The following RHOT2 variants were observed in gnomAD, a reference collection of about 807,000 sequenced individuals.
RHOT2 encodes the protein ras homolog family member T2.
A neutral mutation model predicts 81.6 loss-of-function variants in RHOT2; 90 were observed. That is an observed-to-expected ratio of 1.10 (90% CI 0.93 to 1.31). The LOEUF is 1.31. Among genes scored for constraint, RHOT2 ranks in the 40% most tolerant of loss-of-function variants. The pLI, the probability that RHOT2 is intolerant of heterozygous loss-of-function variation, is 0.00. For synonymous variants in RHOT2, 512 were observed against 370.9 expected (o/e 1.38, Z -4.37); for missense variants, 1,014 against 841.9 (o/e 1.20, Z -2.53).
In RHOT2 at chr16:669,543, G is replaced by T. The variant is rs1191488283; in HGVS notation, c.223-10G>T. 4 of 1,611,418 alleles carry T rather than the reference G, an allele frequency of 2.5e-6. No individual in the cohort carries two copies. Among genetic ancestry groups the T allele is most frequent in the Middle Eastern group, 1.7e-4 (1 of 6,042 alleles). ...GCCCTGTCACCCACACCTCATCACT[G>T]TTCCCTCAGGCAAACGTGGTGTGTG... On this transcript the variant is annotated splice_polypyrimidine_tract_variant and intron_variant, in intron 4 of 18. Transcript: ENST00000315082.
chr16:671,308 C>G, intron 11 of RHOT2, 105 bp downstream of exon 11: 2 of 1,451,488 alleles, frequency 1.4e-6, no homozygotes, highest in Non-Finnish European at 1.8e-6. Context: ...GGCCTGCCCT[C>G]CCTGAGGGTC....
rs531066026 is a variant in RHOT2 at position 671,286 on chromosome 16, G to T, written c.869+83G>T. On this transcript the variant is annotated intron_variant, in intron 11 of 18. Transcript: ENST00000315082. ...ACTATCTCTCCCCTCCATGAGTGACGCTGGGGTTTGAGGCCTGCCCTCCCT... is the reference window on the plus strand; with the variant it reads ...ACTATCTCTCCCCTCCATGAGTGACTCTGGGGTTTGAGGCCTGCCCTCCCT... 1.7e-5 allele frequency: 25 copies of T among 1,489,962 alleles called. No individual in the cohort carries two copies. In the African/African-American group the frequency reaches 2.8e-4, roughly 17 times the overall value. 92.3% of individuals were successfully genotyped at this position (1,489,962 alleles called of 1,614,324 possible). A position where few individuals can be genotyped will look rare whatever the true frequency, so the allele number is the denominator to read the frequency against.
At chr16:669,296 C>T (rs1799455925) in intron 4 of RHOT2, 2 of 569,218 alleles carry the variant, frequency 3.5e-6, no homozygotes, top group Admixed American at 6.1e-5. Context: ...TGTCCCTGCA[C>T]TGGCAGTGGG....
At position 670,736 on chromosome 16, in the gene RHOT2, A is replaced by G; in HGVS notation, c.602A>G (p.Asp201Gly). ...TTCAGGCTCTCAGATCAGGACCTGG[A>G]CCAGGCGCTCAGTGACGAAGAGCTC... Reference protein sequence around the residue: ...RIFRLSDQDLDQALSDEELNA... With the variant: ...RIFRLSDQDLGQALSDEELNA... The change falls in exon 9 of 19, where the codon GAC (aspartate) becomes GGC (glycine). Residue 201 changes from aspartate (D) to glycine (G), a missense_variant. By Grantham distance (94) the Asp-to-Gly change is moderately conservative. Transcript: ENST00000315082. The G allele has an allele frequency of 6.2e-7, 1 of 1,612,420 alleles. No individual in the cohort carries two copies. The highest frequency in any genetic ancestry group is 1.7e-4 in the Middle Eastern group (1 of 6,058).
Position 672,975 on chromosome 16 carries a change from G to A in RHOT2, c.1575G>A (p.Lys525=), listed in dbSNP as rs2039226555. ...CCCCCTGCCTCTTTGTCTCCTCCAAGGCCGACCTGCCCGAAGGTGTCGCGG... is the reference window on the plus strand; with the variant it reads ...CCCCCTGCCTCTTTGTCTCCTCCAAAGCCGACCTGCCCGAAGGTGTCGCGG... ...GQTPCLFVSS[K]ADLPEGVAVS... The change falls in exon 18 of 19, where the codon AAG becomes AAA. Residue 525 remains lysine (K), a synonymous_variant. Coordinates refer to ENST00000315082, the MANE Select transcript of RHOT2 (RefSeq NM_138769.3). The A allele has an allele frequency of 6.2e-7, 1 of 1,612,802 alleles. No individual in the cohort carries two copies. The highest frequency in any genetic ancestry group is 1.1e-5 in the South Asian group (1 of 91,088).
chr16:673,176 T>G, intron 18 of RHOT2, 46 bp downstream of exon 18: 1 of 1,582,110 alleles, frequency 6.3e-7, no homozygotes. Flanking sequence ...GTGTCTGTCA[T>G]CCGAGCAGTG....
intron 7 of RHOT2, 37 bp downstream of exon 7, chr16:670,394 C>T (rs1190277019): frequency 1.9e-6 from 3 of 1,610,482 alleles, no homozygotes; most frequent in African/African-American, 2.7e-5. Flanking sequence ...TCCTTCATTC[C>T]TTGTGTTCTC....
Position 668,561 on chromosome 16 carries a change from AC to A in RHOT2, c.171del (p.Tyr58ThrfsTer44). The A allele has an allele frequency of 6.2e-7, 1 of 1,610,426 alleles. No individual in the cohort carries two copies. The highest frequency in any genetic ancestry group is 2.2e-5 in the East Asian group (1 of 44,618). On this transcript the variant is annotated frameshift_variant, in exon 3 of 19. Transcript: ENST00000315082. LOFTEE classifies it high-confidence loss of function. ...TPEKVPTHIV[D>X]YSEAEQTDEE... Reference sequence around the variant, plus strand: ...GAGAAGGTGCCCACCCACATCGTGGACTACTCAGGTAGCGGCCGTAGCCTCC... The same window carrying A: ...GAGAAGGTGCCCACCCACATCGTGGATACTCAGGTAGCGGCCGTAGCCTCC...
At chr16:671,810 G>GCCCCTGCCCCCCC in intron 12 of RHOT2, 29 bp downstream of exon 12, 2 of 1,586,242 alleles carry the variant, frequency 1.3e-6, no homozygotes, top group East Asian at 2.3e-5. Flanking sequence ...CCCTGCCCCT[G>GCCCCTGCCCCCCC]CCCCCGCCCC....
intron 18 of RHOT2, 59 bp downstream of exon 18, chr16:673,189 C>T (rs2039266680): frequency 6.5e-7 from 1 of 1,548,224 alleles, no homozygotes; most frequent in South Asian, 1.1e-5. Context: ...GAGCAGTGGG[C>T]AGCGGTGGTG....
chr16:669,279 G>A (rs2038491214), intron 4 of RHOT2: 1 of 553,300 alleles, frequency 1.8e-6, no homozygotes, highest in East Asian at 3.1e-5. Context: ...ATGCTTCTGG[G>A]GCCTGGTGTC....
In RHOT2 at chr16:670,510, G is replaced by C; in HGVS notation, c.493G>C (p.Ala165Pro). The C allele has an allele frequency of 6.2e-7, 1 of 1,608,526 alleles. No individual in the cohort carries two copies. Among genetic ancestry groups the C allele is most frequent in the Non-Finnish European group, 8.5e-7 (1 of 1,177,656 alleles). ...AGAGCTGTTCTACTACGCCCAGAAG[G>C]CCGTCCTGCATCCCACAGCCCCCCT... ...ISELFYYAQKAVLHPTAPLYD... is the reference protein window; with the variant it reads ...ISELFYYAQKPVLHPTAPLYD... The change falls in exon 8 of 19, where the codon GCC becomes CCC. Residue 165 changes from alanine to proline, a missense_variant. By Grantham distance (27) the Ala-to-Pro change is conservative. Transcript: ENST00000315082.
rs1205283773 is a variant in RHOT2, at chr16:668,190, G to A, written c.-10G>A. On this transcript the variant is annotated 5_prime_UTR_variant, in exon 1 of 19. Transcript: ENST00000315082. Reference sequence around the variant, plus strand: ...GGTTCCGGGTCGGGGAGCGGCTCCGGGCGGCAGCTATGAGGCGGGACGTGC... The same window carrying A: ...GGTTCCGGGTCGGGGAGCGGCTCCGAGCGGCAGCTATGAGGCGGGACGTGC... 4 of 480,510 alleles carry A rather than the reference G, an allele frequency of 8.3e-6. No homozygotes were observed. Among genetic ancestry groups the A allele is most frequent in the Non-Finnish European group, 1.4e-5 (4 of 280,750 alleles). 29.8% of individuals were successfully genotyped at this position (480,510 alleles called of 1,614,324 possible).
At chr16:669,915 G>A in intron 5 of RHOT2, 1 of 614,672 alleles carries the variant, frequency 1.6e-6, no homozygotes, top group Non-Finnish European at 2.8e-6. Flanking sequence ...CCAGTGACTT[G>A]GGGGTGTTTG....
intron 5 of RHOT2, 185 bp from the exon 6 acceptor site, chr16:669,938 G>A (rs1439300141): frequency 7.9e-6 from 5 of 630,106 alleles, no homozygotes; most frequent in Non-Finnish European, 1.4e-5. Context: ...AGCCATTGGG[G>A]TCAGACAGAT....
rs1181087676 is a variant in RHOT2, at chr16:671,065, T to TA, written c.749-18_749-17insA. ...AGGGGGCTGTGCCTGGTGCTCCCCC[T>TA]GCTTTGTCTCGGTGCAGGTTTCCTC... On this transcript the variant is annotated splice_polypyrimidine_tract_variant and intron_variant, in intron 10 of 18. Transcript: ENST00000315082. 6.2e-7 allele frequency: 1 copy of TA among 1,608,370 alleles called. No individual in the cohort carries two copies. Among genetic ancestry groups the TA allele is most frequent in the Non-Finnish European group, 8.5e-7 (1 of 1,179,512 alleles).
rs772573570 is a variant in RHOT2, at chr16:668,164, G to A, written c.-36G>A. 4 of 447,256 alleles carry A rather than the reference G, an allele frequency of 8.9e-6. No individual in the cohort carries two copies. The highest frequency in any genetic ancestry group is 4.0e-5 in the African/African-American group (2 of 50,030). 27.7% of individuals were successfully genotyped at this position (447,256 alleles called of 1,614,324 possible). ...AAGGCTTGAGGACCAGGTCGGGGCCGGGTTCCGGGTCGGGGAGCGGCTCCG... is the reference window on the plus strand; with the variant it reads ...AAGGCTTGAGGACCAGGTCGGGGCCAGGTTCCGGGTCGGGGAGCGGCTCCG... On this transcript the variant is annotated 5_prime_UTR_variant, in exon 1 of 19. Transcript: ENST00000315082.
At chr16:670,199 C>T in intron 6 of RHOT2, 24 bp downstream of exon 6, 1 of 1,611,046 alleles carries the variant, frequency 6.2e-7, no homozygotes, top group Non-Finnish European at 8.5e-7. Context: ...GTGGAAGGGG[C>T]TGGGACCCCT....
chr16:668,523 G>T lies in RHOT2; in HGVS notation c.132G>T (p.Ala44=), dbSNP rs200650722. The change falls in exon 3 of 19, where the codon GCG becomes GCT. Residue 44 remains alanine (A), a synonymous_variant. Transcript: ENST00000315082. ...PPRAEEITIP[A]DVTPEKVPTH... ...GCGCGGAGGAGATCACCATCCCCGC[G>T]GACGTCACCCCGGAGAAGGTGCCCA... 235 of 1,610,002 alleles carry T rather than the reference G, an allele frequency of 1.5e-4. No individual in the cohort carries two copies. The highest frequency in any genetic ancestry group is 1.8e-4 in the Non-Finnish European group (217 of 1,178,872).
Sources: gnomAD v4.1 joint callset for allele counts on GRCh38, gnomAD v4.1.1 for gene constraint, MANE v1.5 for transcripts, NCBI Gene and HGNC (gene_info 2026-07-23, HGNC 2026-07-21) for gene names.